Variants in KCTD9 observed in about 807,000 individuals in gnomAD.
KCTD9 encodes the protein BTB/POZ domain-containing protein KCTD9.
In KCTD9, 17 loss-of-function variants were observed where a neutral mutation model predicts 53.3. The observed-to-expected ratio is 0.32, with a 90% CI of 0.22 to 0.48. The LOEUF (loss-of-function observed/expected upper bound fraction) is 0.48, where lower values mean the gene tolerates loss of function less well. Among genes scored for constraint, KCTD9 ranks in the 20% least tolerant of loss-of-function variants. The pLI is 0.99. For synonymous variants in KCTD9, 128 were observed against 162.7 expected (o/e 0.79, Z 1.62); for missense variants, 179 against 465.5 (o/e 0.38, Z 5.66).
At chr8:25,431,859 CAT>C (rs1801936422) in intron 11 of KCTD9, among the ~76,000 whole-genome samples, 1 of 152,080 alleles carries the variant, frequency 6.6e-6, no homozygotes, top group African/African-American at 2.4e-5. Context: ...CTACCAGCCA[CAT>C]GTGGCTACTT....
intron 6 of KCTD9, among the ~76,000 whole-genome samples, chr8:25,438,976 C>G (rs772724868): frequency 6.6e-6 from 1 of 152,156 alleles, no homozygotes; most frequent in Non-Finnish European, 1.5e-5. Context: ...ACAACAAAAT[C>G]CTTTAAAGTC....
At position 25,429,608 on chromosome 8, in the gene KCTD9, T is replaced by G; in HGVS notation, c.*249A>C. On this transcript the variant is annotated 3_prime_UTR_variant, in exon 12 of 12. Transcript: ENST00000221200. The stretch of plus-strand genomic sequence containing the variant: ...AAACCAGGTAAACCCCCCTACCCCA[T>G]TCAAAAGGCAGCAATATCTAGTTTC... 1 of 360,748 alleles carries G rather than the reference T, an allele frequency of 2.8e-6. No homozygotes were observed. 22.3% of individuals were successfully genotyped at this position (360,748 alleles called of 1,614,324 possible).
chr8:25,436,177 A>G, intron 8 of KCTD9, 58 bp downstream of exon 8: 1 of 1,092,054 alleles, frequency 9.2e-7, no homozygotes, highest in Non-Finnish European at 1.4e-6. Flanking sequence ...AGAAGAATGT[A>G]AAATTTTATT....
intron 9 of KCTD9, among the ~76,000 whole-genome samples, chr8:25,434,082 T>C (rs1351377528): frequency 1.3e-5 from 2 of 152,150 alleles, no homozygotes; most frequent in African/African-American, 4.8e-5. Context: ...AGAAAATATA[T>C]GTTTTAAGAC....
intron 1 of KCTD9, chr8:25,451,402 G>C (rs1443381794): frequency 6.6e-6 from 1 of 152,148 alleles, no homozygotes; most frequent in Non-Finnish European, 1.5e-5. Context: ...TATATACTAA[G>C]ATTGTTTTTG....
intron 6 of KCTD9, among the ~76,000 whole-genome samples, chr8:25,437,611 G>A: frequency 6.6e-6 from 1 of 152,066 alleles, no homozygotes; most frequent in East Asian, 1.9e-4. Flanking sequence ...CCAGGAGGCG[G>A]ACCTTACAGT....
At position 25,428,078 on chromosome 8, in the gene KCTD9, C is replaced by A. The variant is rs1404783346; in HGVS notation, c.*1779G>T. On this transcript the variant is annotated 3_prime_UTR_variant, in exon 12 of 12. Transcript: ENST00000221200. The stretch of plus-strand genomic sequence containing the variant: ...ATGCAGTATACATTAGATCTAAAAT[C>A]TGCAGTTTCTAAGCACACCATGTTT... The A allele has an allele frequency of 1.3e-5, 2 of 152,600 alleles. No individual in the cohort carries two copies. The highest frequency in any genetic ancestry group is 2.9e-5 in the Non-Finnish European group (2 of 68,016). 9.5% of individuals were successfully genotyped at this position (152,600 alleles called of 1,614,324 possible).
chr8:25,456,266 C>A (rs982791609), intron 1 of KCTD9, among the ~76,000 whole-genome samples: 4 of 152,156 alleles, frequency 2.6e-5, no homozygotes, highest in African/African-American at 9.7e-5. Context: ...TACAGATATT[C>A]CAACTGGTGG....
intron 1 of KCTD9, among the ~76,000 whole-genome samples, chr8:25,455,550 AG>A (rs1802416905): frequency 6.6e-6 from 1 of 152,260 alleles, no homozygotes; most frequent in African/African-American, 2.4e-5. Context: ...TACTAGGAGA[AG>A]TGGCAGCTTC....
chr8:25,456,590 T>G (rs1462372548), intron 1 of KCTD9, among the ~76,000 whole-genome samples: 1 of 152,172 alleles, frequency 6.6e-6, no homozygotes, highest in Non-Finnish European at 1.5e-5. Flanking sequence ...TTATATTTAA[T>G]TATTTGAGAT....
At chr8:25,444,243 C>T (rs1241296505) in intron 3 of KCTD9, 49 bp downstream of exon 3, 226 of 964,158 alleles carry the variant, frequency 2.3e-4, no homozygotes, top group Middle Eastern at 9.7e-4. Flanking sequence ...GTCATTCCAT[C>T]TTTTTTTTTT....
In KCTD9 at chr8:25,439,600, A is replaced by T. The variant is rs775679771; in HGVS notation, c.370+6T>A. 48 of 1,613,864 alleles carry T rather than the reference A, an allele frequency of 3.0e-5. 1 individual carries two copies. Among genetic ancestry groups the T allele is most frequent in the Non-Finnish European group, 9.3e-6 (11 of 1,179,880 alleles). On this transcript the variant is annotated splice_donor_region_variant and intron_variant, in intron 5 of 11. Coordinates refer to ENST00000221200, the MANE Select transcript of KCTD9 (RefSeq NM_017634.4). ...ATGAAATGTGAAAACAACGTGTTAC[A>T]CTCACCTTTGTCCTTAAACATGTGG... is the stretch of plus-strand genomic sequence containing the variant.
At position 25,435,470 on chromosome 8, in the gene KCTD9, G is replaced by A. The variant is rs770644489; in HGVS notation, c.706C>T (p.Arg236Ter). Reference sequence around the variant, plus strand: ...TTGGCCATTTTGAAGTTAATGTATCGAAGGTCCAAACGAGAAAGATCAGCA... The same window carrying A: ...TTGGCCATTTTGAAGTTAATGTATCAAAGGTCCAAACGAGAAAGATCAGCA... ...SGADLSRLDL[R>*]YINFKMANLS... Residue 236 changes from arginine to a stop codon, truncating the protein, a stop_gained, in exon 9 of 12, where the codon CGA becomes TGA. Coordinates refer to ENST00000221200, the MANE Select transcript of KCTD9 (RefSeq NM_017634.4). LOFTEE classifies it high-confidence loss of function. 3 of 1,610,182 alleles carry A rather than the reference G, an allele frequency of 1.9e-6. No homozygotes were observed. The highest frequency in any genetic ancestry group is 2.5e-6 in the Non-Finnish European group (3 of 1,178,278).
At chr8:25,448,376 G>T (rs1462759494) in intron 1 of KCTD9, among the ~76,000 whole-genome samples, 1 of 152,152 alleles carries the variant, frequency 6.6e-6, no homozygotes, top group Non-Finnish European at 1.5e-5. Flanking sequence ...GGTTACCAAG[G>T]CATAGATGGG....
At chr8:25,432,403 G>C in intron 11 of KCTD9, 101 bp downstream of exon 11, 6 of 1,043,744 alleles carry the variant, frequency 5.7e-6, no homozygotes, top group Non-Finnish European at 8.7e-6. Flanking sequence ...TTCCAATCCA[G>C]TTTTACCAGC....
At chr8:25,450,495 A>T in intron 1 of KCTD9, 1 of 961,552 alleles carries the variant, frequency 1.0e-6, no homozygotes, top group East Asian at 1.2e-4. Flanking sequence ...TCATTAGGGT[A>T]AAAAAATACA....
At chr8:25,435,558 T>A (rs375375804) in intron 8 of KCTD9, 46 bp from the exon 9 acceptor site, 18 of 1,530,078 alleles carry the variant, frequency 1.2e-5, no homozygotes, top group Non-Finnish European at 1.5e-5. Context: ...AATCGTCTGT[T>A]TGTATTAAAT....
Position 25,435,347 on chromosome 8 carries a change from C to T in KCTD9, c.813+16G>A. On this transcript the variant is annotated intron_variant, in intron 9 of 11. Coordinates refer to ENST00000221200, the MANE Select transcript of KCTD9 (RefSeq NM_017634.4). ...TAAACATTTAATTTTCTCTTGTAGC[C>T]TAAAATGATACTTACGTCAAGCACT... 2 of 1,542,786 alleles carry T rather than the reference C, an allele frequency of 1.3e-6. No individual in the cohort carries two copies. The highest frequency in any genetic ancestry group is 1.7e-6 in the Non-Finnish European group (2 of 1,144,804).
At chr8:25,434,920 T>C (rs111685697) in intron 9 of KCTD9, among the ~76,000 whole-genome samples, 4 of 152,274 alleles carry the variant, frequency 2.6e-5, no homozygotes, top group African/African-American at 9.6e-5. Context: ...GCCACTGAGA[T>C]GTTAACTTCC....
Sources: gnomAD v4.1 joint callset for allele counts (sites outside exome capture counted in the v4.1 genomes callset) on GRCh38, gnomAD v4.1.1 for gene constraint, MANE v1.5 for transcripts, NCBI Gene and HGNC (gene_info 2026-07-23, HGNC 2026-07-21) for gene names.